Variants in FBN3 observed in about 807,000 individuals in gnomAD.
FBN3 encodes the protein fibrillin-3.
A neutral mutation model predicts 330.1 loss-of-function variants in FBN3; 234 were observed. That is an observed-to-expected ratio of 0.71 (90% confidence interval 0.64 to 0.79). The LOEUF (loss-of-function observed/expected upper bound fraction) is 0.79, where lower values mean the gene tolerates loss of function less well. FBN3 is among the 30% of genes least tolerant of loss of function. FBN3 has a pLI of 0.00. For missense variants in FBN3, 3,606 were observed against 3,886.9 expected, an observed-to-expected ratio of 0.93 and a Z score of 1.92; for synonymous variants, 1,458 against 1,517.3, an observed-to-expected ratio of 0.96 and a Z score of 0.91.
In FBN3 at chr19:8,149,072, G is replaced by A. The variant is rs933986098; in HGVS notation, c.-18+377C>T. ...TGAGCAGAGAAGGCGCGCCCGGCAC[G>A]GGGTGTGGAGGCTGAGGGCCAAACA... On this transcript the variant is annotated intron_variant, in intron 1 of 63. Transcript: ENST00000600128. This position sits in a 1 kb window ranked among gnomAD's most constrained non-coding sequence, Gnocchi z 5.5. 3.9e-5 allele frequency among the ~76,000 whole-genome samples: 6 copies of A among 152,208 alleles called. No individual in the cohort carries two copies. The highest frequency in any genetic ancestry group is 1.5e-5 in the Non-Finnish European group (1 of 68,040).
intron 39 of FBN3, among the ~76,000 whole-genome samples, chr19:8,103,082 C>CA (rs1488642409): frequency 1.3e-5 from 2 of 151,920 alleles, no homozygotes; most frequent in African/African-American, 4.8e-5. Context: ...GCCTGGCCAA[C>CA]ATGGTGAAAC....
At chr19:8,076,314 T>C (rs1409766729) in intron 59 of FBN3, among the ~76,000 whole-genome samples, 2 of 151,746 alleles carry the variant, frequency 1.3e-5, no homozygotes, top group East Asian at 1.9e-4. Context: ...TCTGTGATCA[T>C]CTTTCTATGT....
Position 8,131,237 on chromosome 19 carries a change from C to T in FBN3, c.2042G>A (p.Arg681Gln), listed in dbSNP as rs373111917. Residue 681 changes from arginine to glutamine, a missense_variant and splice_region_variant, in exon 16 of 64, where the codon CGA becomes CAA. Physicochemically the swap from Arg to Gln is conservative, Grantham distance 43. Coordinates refer to ENST00000600128, the MANE Select transcript of FBN3 (RefSeq NM_032447.5). This position sits in a 1 kb window ranked among gnomAD's most constrained non-coding sequence, Gnocchi z 4.5. Reference sequence around the variant, plus strand: ...TGGAGGGGCTGGGCTCCACTTACCTCGACCATCCGTGGTAATGCCAAGCCC... The same window carrying T: ...TGGAGGGGCTGGGCTCCACTTACCTTGACCATCCGTGGTAATGCCAAGCCC... The part of the protein sequence containing the change: ...SSGLGITTDG[R>Q]DINECALDPE... 28 of 1,608,598 alleles carry T rather than the reference C, an allele frequency of 1.7e-5. No individual in the cohort carries two copies. Among genetic ancestry groups the T allele is most frequent in the Non-Finnish European group, 2.0e-5 (23 of 1,178,554 alleles).
chr19:8,066,603 G>A (rs145659099), intron 63 of FBN3, among the ~76,000 whole-genome samples: 2,715 of 152,286 alleles, frequency 0.018, 46 homozygotes, highest in Non-Finnish European at 0.028. Context: ...TTGGGAGGCC[G>A]GGCGCAGTGG....
intron 56 of FBN3, 53 bp from the exon 57 acceptor site, chr19:8,083,425 C>T (rs1332916801): frequency 1.1e-5 from 18 of 1,602,634 alleles, no homozygotes; most frequent in East Asian, 2.2e-5. Context: ...GCGCCTCCAC[C>T]GAGGAATGTC....
At chr19:8,133,475 G>C (rs1259360736) in intron 13 of FBN3, among the ~76,000 whole-genome samples, 1 of 150,912 alleles carries the variant, frequency 6.6e-6, no homozygotes, top group African/African-American at 2.4e-5. Context: ...TTTTGAGACA[G>C]AGTCTCGCTC....
At position 8,095,978 on chromosome 19, in the gene FBN3, T is replaced by C. The variant is rs760501754; in HGVS notation, c.5642A>G (p.Asn1881Ser). 12 of 1,611,852 alleles carry C rather than the reference T, an allele frequency of 7.4e-6. No individual in the cohort carries two copies. Among genetic ancestry groups the C allele is most frequent in the African/African-American group, 2.7e-5 (2 of 75,020 alleles). The part of the protein sequence containing the change: ...LCFPGFVVTH[N>S]GDCVDFDECT... ...AGCCGACTCACCCACACAATCCCCA[T>C]TGTGTGTCACCACAAAGCCAGGGAA... is the stretch of plus-strand genomic sequence containing the variant. Residue 1881 changes from asparagine to serine, a missense_variant, in exon 45 of 64, where the codon AAT (asparagine) becomes AGT (serine). By Grantham distance (46) the Asn-to-Ser change is conservative. Transcript: ENST00000600128.
chr19:8,135,936 G>GGGGGGGGGGGGGGGGGGCCCCCCCC, intron 13 of FBN3, 25 bp downstream of exon 13: 38 of 668,720 alleles, frequency 5.7e-5, no homozygotes, highest in East Asian at 7.9e-5. Flanking sequence ...GGAAGCCCCT[G>GGGGGGGGGGGGGGGGGGCCCCCCCC]CCCACCCGCC....
intron 59 of FBN3, 31 bp downstream of exon 59, chr19:8,080,972 C>CACCT (rs2081765549): frequency 6.7e-7 from 1 of 1,487,354 alleles, no homozygotes; most frequent in East Asian, 2.3e-5. Context: ...GGTCATGGGT[C>CACCT]ACCTCCCGGT....
chr19:8,113,538 CT>C (rs1278177613), intron 30 of FBN3, among the ~76,000 whole-genome samples: 1 of 152,080 alleles, frequency 6.6e-6, no homozygotes, highest in Non-Finnish European at 1.5e-5. Flanking sequence ...TCAACAAACA[CT>C]TTTTTAAAAA....
At chr19:8,116,046 C>G (rs2082697499) in intron 29 of FBN3, among the ~76,000 whole-genome samples, 1 of 152,146 alleles carries the variant, frequency 6.6e-6, no homozygotes, top group Non-Finnish European at 1.5e-5. Context: ...TGCATTTGTT[C>G]ACAAGGCCCA....
intron 3 of FBN3, among the ~76,000 whole-genome samples, chr19:8,146,882 G>T (rs1433619614): frequency 6.6e-6 from 1 of 152,122 alleles, no homozygotes; most frequent in East Asian, 1.9e-4. Flanking sequence ...ACAAAGCAAG[G>T]GAACCAGAGA....
intron 25 of FBN3, among the ~76,000 whole-genome samples, chr19:8,119,574 C>G (rs968462961): frequency 2.0e-5 from 3 of 152,124 alleles, no homozygotes; most frequent in African/African-American, 7.2e-5. Context: ...AGTGCAGTGA[C>G]ACGATCTCGG....
At chr19:8,118,755 A>G in intron 26 of FBN3, 142 bp downstream of exon 26, 1 of 1,012,160 alleles carries the variant, frequency 9.9e-7, no homozygotes, top group Admixed American at 2.2e-5. Flanking sequence ...ACACACTTGC[A>G]CGCTCACACA....
intron 30 of FBN3, among the ~76,000 whole-genome samples, chr19:8,114,247 T>TA (rs60145103): frequency 1.3e-5 from 2 of 151,362 alleles, no homozygotes; most frequent in African/African-American, 2.4e-5. Context: ...TCTTTTTAAT[T>TA]AAAAAAAAGT....
At position 8,123,764 on chromosome 19, in the gene FBN3, G is replaced by A; in HGVS notation, c.2956+20C>T. 6.2e-7 allele frequency: 1 copy of A among 1,611,884 alleles called. No homozygotes were observed. The highest frequency in any genetic ancestry group is 8.5e-7 in the Non-Finnish European group (1 of 1,179,054). On this transcript the variant is annotated intron_variant, in intron 23 of 63. Transcript: ENST00000600128. The stretch of plus-strand genomic sequence containing the variant: ...CCCCTCCCCATCCTTCCAGGGGCCT[G>A]ACCCCTTCCCCAACCGCACCTTTAT...
Position 8,136,431 on chromosome 19 carries a change from C to T in FBN3, c.1302G>A (p.Glu434=), listed in dbSNP as rs146886313. The change falls in exon 11 of 64, where the codon GAG becomes GAA. Residue 434 remains glutamate, a synonymous_variant. Transcript: ENST00000600128. ...CGTCCTGGGTGTAGCCCACGTTACA[C>T]TCGCAGCGGTAGCTGGAAGGCGTGG... The part of the protein sequence containing the change: ...CLPTPSSYRC[E]CNVGYTQDVR... 8.2e-5 allele frequency: 133 copies of T among 1,614,196 alleles called. No homozygotes were observed. In the African/African-American group the frequency reaches 1.6e-3, roughly 19 times the overall value.
rs576643735 is a variant in FBN3 at position 8,070,022 on chromosome 19, A to C, written c.8088+2026T>G. ...GACAACCACTCACTCACTCTTATTGAGTACCAAGGGGTACCAATACAGTAG... is the reference window on the plus strand; with the variant it reads ...GACAACCACTCACTCACTCTTATTGCGTACCAAGGGGTACCAATACAGTAG... On this transcript the variant is annotated intron_variant, in intron 63 of 63. Coordinates refer to ENST00000600128, the MANE Select transcript of FBN3 (RefSeq NM_032447.5). Among the ~76,000 whole-genome samples, 60 of 152,342 alleles carry C rather than the reference A, an allele frequency of 3.9e-4. No homozygotes were observed. In the South Asian group the frequency reaches 0.012, roughly 31 times the overall value.
At chr19:8,091,337 A>G (rs12981294) in intron 48 of FBN3, 128 bp downstream of exon 48, 284,447 of 1,287,608 alleles carry the variant, frequency 0.22, 32,124 homozygotes, top group Middle Eastern at 0.24. Flanking sequence ...TGCTAATGCA[A>G]ACAGACACCT....
Sources: allele counts gnomAD v4.1 joint callset (sites outside exome capture counted in the v4.1 genomes callset), GRCh38; gene constraint gnomAD v4.1.1; non-coding constraint Gnocchi (gnomAD v3.1); transcripts MANE v1.5; gene names NCBI Gene and HGNC (gene_info 2026-07-23, HGNC 2026-07-21).